The following MIS18BP1 variants were observed in gnomAD, a reference collection of about 807,000 sequenced individuals.
MIS18BP1 encodes mis18-binding protein 1.
In MIS18BP1, 72 loss-of-function variants were observed where a neutral mutation model predicts 116.1. That is an observed-to-expected ratio of 0.62 (90% CI 0.51 to 0.75). The LOEUF is 0.75. Among genes scored for constraint, MIS18BP1 ranks in the 30% least tolerant of loss-of-function variants. MIS18BP1 has a pLI of 0.00. For missense variants in MIS18BP1, 1,363 were observed against 1,303.2 expected, an observed-to-expected ratio of 1.05 and a Z score of -0.71; for synonymous variants, 386 against 427.0, an observed-to-expected ratio of 0.90 and a Z score of 1.18.
chr14:45,236,924 G>C lies in MIS18BP1; in HGVS notation c.1217+724C>G, dbSNP rs934287834. Among the ~76,000 whole-genome samples, 4 of 152,040 alleles carry C rather than the reference G, an allele frequency of 2.6e-5. No homozygotes were observed. In the East Asian group the frequency reaches 5.8e-4, roughly 22 times the overall value. Reference sequence around the variant, plus strand: ...CTGCATCTTTAATAGTAAGGAAATGGGCATAAAGCAGACAGATAAAGAATG... The same window carrying C: ...CTGCATCTTTAATAGTAAGGAAATGCGCATAAAGCAGACAGATAAAGAATG... On this transcript the variant is annotated intron_variant, in intron 5 of 16. Transcript: ENST00000310806.
intron 14 of MIS18BP1, among the ~76,000 whole-genome samples, chr14:45,207,322 A>C (rs934012835): frequency 6.6e-6 from 1 of 152,232 alleles, no homozygotes; most frequent in African/African-American, 2.4e-5. Flanking sequence ...ATTTATCTGA[A>C]TCAAACACTG....
At chr14:45,243,549 A>C (rs1453566689) in intron 2 of MIS18BP1, among the ~76,000 whole-genome samples, 1 of 152,154 alleles carries the variant, frequency 6.6e-6, no homozygotes, top group Non-Finnish European at 1.5e-5. Flanking sequence ...ATAGACTTAA[A>C]ATTTGAGCCT....
In MIS18BP1 at chr14:45,223,106, C is replaced by A. The variant is rs1200505923; in HGVS notation, c.2669+812G>T. 2.0e-5 allele frequency among the ~76,000 whole-genome samples: 3 copies of A among 148,192 alleles called. No individual in the cohort carries two copies. The East Asian group carries it at 5.8e-4, about 29-fold the overall frequency. On this transcript the variant is annotated intron_variant, in intron 11 of 16. Transcript: ENST00000310806. ...CAAAACAAAACAAAACAAAAACAAA[C>A]CAAACCAAACACTGGGGATTTCCTC...
Position 45,218,273 on chromosome 14 carries a change from G to T in MIS18BP1, c.2842+9C>A. On this transcript the variant is annotated intron_variant, in intron 12 of 16. Coordinates refer to ENST00000310806, the MANE Select transcript of MIS18BP1 (RefSeq NM_018353.5). ...TACTAGGAAAAAAACTATTTACTAC[G>T]AAGGTTACCATTTTGGCCTTTGGAA... The T allele has an allele frequency of 6.2e-7, 1 of 1,612,584 alleles. No individual in the cohort carries two copies. The highest frequency in any genetic ancestry group is 8.5e-7 in the Non-Finnish European group (1 of 1,179,620).
At chr14:45,236,004 A>G in intron 5 of MIS18BP1, 60 bp from the exon 6 acceptor site, 1 of 1,440,774 alleles carries the variant, frequency 6.9e-7, no homozygotes, top group East Asian at 2.3e-5. Context: ...TTCTAACAGA[A>G]AATAATTTTA....
intron 14 of MIS18BP1, among the ~76,000 whole-genome samples, chr14:45,207,640 CACAA>C (rs908574432): frequency 7.2e-5 from 11 of 152,092 alleles, no homozygotes; most frequent in African/African-American, 2.4e-4. Flanking sequence ...AACTCCATCT[CACAA>C]ACAAACAAAA....
chr14:45,230,606 T>TA (rs1224141476), intron 8 of MIS18BP1, among the ~76,000 whole-genome samples: 1 of 152,160 alleles, frequency 6.6e-6, no homozygotes, highest in Non-Finnish European at 1.5e-5. Context: ...TTCTGATTAA[T>TA]AAAAAGGTAA....
rs1389844299 is a variant in MIS18BP1, at chr14:45,203,502, G to A, written c.*607C>T. 3 of 151,900 alleles carry A rather than the reference G, an allele frequency of 2.0e-5. No homozygotes were observed. The highest frequency in any genetic ancestry group is 2.0e-4 in the Admixed American group (3 of 15,262). The allele number at this position is 151,900 out of a possible 1,614,324, so 9.4% of individuals were successfully genotyped here. ...TCTAATTTTACCTAGTAAAATAATG[G>A]TAAAGCAATAAACTAAATTTACAAA... On this transcript the variant is annotated 3_prime_UTR_variant, in exon 17 of 17. Transcript: ENST00000310806.
rs536256520 is a variant in MIS18BP1 at position 45,234,795 on chromosome 14, A to ACACCT, written c.1348+1018_1348+1019insAGGTG. On this transcript the variant is annotated intron_variant, in intron 6 of 16. Transcript: ENST00000310806. The stretch of plus-strand genomic sequence containing the variant: ...CAGCTGTGTGCAAGGCATAGGTGGA[A>ACACCT]AATTAGGTTACACCAGGACTGGGGT... 9.8e-5 allele frequency among the ~76,000 whole-genome samples: 15 copies of ACACCT among 152,334 alleles called. No homozygotes were observed. The East Asian group carries it at 2.7e-3, about 27-fold the overall frequency.
intron 4 of MIS18BP1, among the ~76,000 whole-genome samples, chr14:45,238,841 G>A (rs553660298): frequency 1.3e-5 from 2 of 152,186 alleles, no homozygotes; most frequent in African/African-American, 2.4e-5. Flanking sequence ...TTATAAGTAG[G>A]ATAGTTTATA....
intron 5 of MIS18BP1, among the ~76,000 whole-genome samples, chr14:45,236,394 T>C (rs1268810595): frequency 6.6e-6 from 1 of 152,190 alleles, no homozygotes; most frequent in East Asian, 1.9e-4. Context: ...ACCTTTCATT[T>C]TGGAAGGTAC....
At chr14:45,247,892 A>C (rs1178357655) in intron 1 of MIS18BP1, among the ~76,000 whole-genome samples, 2 of 151,956 alleles carry the variant, frequency 1.3e-5, no homozygotes, top group Non-Finnish European at 2.9e-5. Flanking sequence ...CCCAATCCTG[A>C]TTTTTTATGC....
chr14:45,232,859 C>T (rs1891327480), intron 6 of MIS18BP1, 39 bp from the exon 7 acceptor site: 1 of 986,812 alleles, frequency 1.0e-6, no homozygotes, highest in Non-Finnish European at 1.5e-6. Flanking sequence ...TATTTAAAAG[C>T]CTAGAATTTT....
chr14:45,247,554 TG>T (rs1891756286), intron 1 of MIS18BP1, among the ~76,000 whole-genome samples, 177 bp from the exon 2 acceptor site: 1 of 151,876 alleles, frequency 6.6e-6, no homozygotes, highest in South Asian at 2.1e-4. Flanking sequence ...ACAAAAGAGC[TG>T]GGTGTGATGG....
At chr14:45,237,869 A>G in intron 4 of MIS18BP1, 148 bp from the exon 5 acceptor site, 1 of 1,171,572 alleles carries the variant, frequency 8.5e-7, no homozygotes, top group South Asian at 2.0e-5. Flanking sequence ...TCTATTCTAA[A>G]TAGCAATAGG....
chr14:45,249,888 A>AATC (rs745578947), intron 1 of MIS18BP1: 3 of 152,194 alleles, frequency 2.0e-5, no homozygotes, highest in Non-Finnish European at 4.4e-5. Flanking sequence ...TAATAATAAT[A>AATC]ATAAAAATAA....
At chr14:45,220,004 C>T (rs889309830) in intron 11 of MIS18BP1, among the ~76,000 whole-genome samples, 6 of 152,120 alleles carry the variant, frequency 3.9e-5, no homozygotes, top group Admixed American at 6.5e-5. Context: ...CTTAGTGTAA[C>T]GCTGTATTGT....
chr14:45,242,386 T>A lies in MIS18BP1; in HGVS notation c.791A>T (p.Lys264Ile). ...KESIVATTKS[K>I]KDTFVLESVD... ...GCTTTCTAAAACAAACGTGTCCTTTTTGGATTTAGTGGTTGCAACTATACT... is the reference window on the plus strand; with the variant it reads ...GCTTTCTAAAACAAACGTGTCCTTTATGGATTTAGTGGTTGCAACTATACT... Residue 264 changes from lysine to isoleucine, a missense_variant, in exon 4 of 17, where the codon AAA (lysine) becomes ATA (isoleucine). Lys to Ile is a moderately radical substitution (Grantham distance 102). Transcript: ENST00000310806. 6.2e-7 allele frequency: 1 copy of A among 1,614,118 alleles called. No individual in the cohort carries two copies. The highest frequency in any genetic ancestry group is 1.1e-5 in the South Asian group (1 of 91,074).
rs1023212310 is a variant in MIS18BP1, at chr14:45,237,812, C to G, written c.1144-91G>C. ...ACTTACATTAAAAGAAAAAACTTGT[C>G]TAAGTAATCCAAATATTCCTTAGTG... On this transcript the variant is annotated intron_variant, in intron 4 of 16. Coordinates refer to ENST00000310806, the MANE Select transcript of MIS18BP1 (RefSeq NM_018353.5). 3 of 1,462,654 alleles carry G rather than the reference C, an allele frequency of 2.1e-6. No individual in the cohort carries two copies. The African/African-American group carries it at 4.4e-5, about 21-fold the overall frequency. 90.6% of individuals were successfully genotyped at this position (1,462,654 alleles called of 1,614,324 possible).
Sources: gnomAD v4.1 joint callset for allele counts (sites outside exome capture counted in the v4.1 genomes callset) on GRCh38, gnomAD v4.1.1 for gene constraint, MANE v1.5 for transcripts, NCBI Gene and HGNC (gene_info 2026-07-23, HGNC 2026-07-21) for gene names.